OSTF1: variants seen among roughly 807,000 people sequenced by gnomAD.
OSTF1 encodes osteoclast stimulating factor 1.
In OSTF1, 27 loss-of-function variants were observed where a neutral mutation model predicts 37.2. The ratio of observed to expected loss-of-function variants is 0.73; its 90% CI spans 0.54 to 1.00. The LOEUF (loss-of-function observed/expected upper bound fraction) is 1.00, where lower values mean the gene tolerates loss of function less well. Among genes scored for constraint, OSTF1 ranks in the 50% least tolerant of loss-of-function variants. The pLI, the probability that OSTF1 is intolerant of heterozygous loss-of-function variation, is 0.00. For missense variants in OSTF1, 232 were observed against 253.8 expected (o/e 0.91, Z 0.58); for synonymous variants, 82 against 89.2 (o/e 0.92, Z 0.46).
chr9:75,133,460 GA>G lies in OSTF1; in HGVS notation c.358+60del, dbSNP rs140994409. 4.5e-3 allele frequency: 4,565 copies of G among 1,008,430 alleles called. 144 individuals are homozygous for G. In the African/African-American group the frequency reaches 0.066, roughly 15 times the overall value. The allele number at this position is 1,008,430 out of a possible 1,614,324, so 62.5% of individuals were successfully genotyped here. The stretch of plus-strand genomic sequence containing the variant: ...TGCTGAAAATGTGTTTCACCTACGG[GA>G]GCCAGATTTACAAAAAATGAGAAAG... On this transcript the variant is annotated intron_variant, in intron 6 of 9. Coordinates refer to ENST00000346234, the MANE Select transcript of OSTF1 (RefSeq NM_012383.5).
intron 7 of OSTF1, among the ~76,000 whole-genome samples, chr9:75,136,038 G>T (rs2118605454): frequency 6.6e-6 from 1 of 152,226 alleles, no homozygotes; most frequent in East Asian, 1.9e-4. Context: ...TTCAACATCC[G>T]CTGACTAGAA....
At chr9:75,094,322 C>T (rs1203724298) in intron 1 of OSTF1, among the ~76,000 whole-genome samples, 2 of 150,892 alleles carry the variant, frequency 1.3e-5, no homozygotes, top group South Asian at 2.1e-4. Context: ...GCCACTAAAT[C>T]GTTATGAATG....
intron 1 of OSTF1, among the ~76,000 whole-genome samples, chr9:75,103,024 C>T (rs952394569): frequency 1.2e-4 from 19 of 152,188 alleles, no homozygotes; most frequent in African/African-American, 3.4e-4. Flanking sequence ...TATAAGCTCA[C>T]GCTTATAATC....
At chr9:75,103,585 C>A (rs1017944143) in intron 1 of OSTF1, among the ~76,000 whole-genome samples, 4 of 151,928 alleles carry the variant, frequency 2.6e-5, no homozygotes, top group African/African-American at 9.7e-5. Flanking sequence ...AAGTATATAC[C>A]CCAGAAGCTA....
At chr9:75,143,101 G>A (rs1169281928) in intron 9 of OSTF1, among the ~76,000 whole-genome samples, 4 of 151,932 alleles carry the variant, frequency 2.6e-5, no homozygotes, top group African/African-American at 7.3e-5. Context: ...CACGATGCCC[G>A]GCTAATTTTT....
intron 1 of OSTF1, among the ~76,000 whole-genome samples, chr9:75,111,135 G>A (rs540537186): frequency 1.3e-5 from 2 of 152,220 alleles, no homozygotes; most frequent in Admixed American, 6.5e-5. Flanking sequence ...CCCCAGGCCC[G>A]CCTAAGTGCT....
At chr9:75,140,715 C>G (rs1825928229) in intron 8 of OSTF1, 119 bp from the exon 9 acceptor site, 12 of 633,860 alleles carry the variant, frequency 1.9e-5, no homozygotes, top group Middle Eastern at 2.9e-4. Context: ...ACGTTTACTT[C>G]TGAGCCAGAG....
At chr9:75,093,026 C>T (rs1382942157) in intron 1 of OSTF1, among the ~76,000 whole-genome samples, 1 of 146,318 alleles carries the variant, frequency 6.8e-6, no homozygotes. Context: ...ATGATACCCT[C>T]TTTCTTTCTT....
intron 8 of OSTF1, among the ~76,000 whole-genome samples, chr9:75,139,880 C>T (rs1232762192): frequency 6.6e-6 from 1 of 152,142 alleles, no homozygotes; most frequent in Admixed American, 6.6e-5. Context: ...CTTTCCAATA[C>T]CATTTTTAGT....
intron 1 of OSTF1, among the ~76,000 whole-genome samples, chr9:75,115,396 A>C (rs1433723788): frequency 6.6e-6 from 1 of 152,096 alleles, no homozygotes; most frequent in East Asian, 1.9e-4. Context: ...GGTTCAGGCT[A>C]TTCTCCTGCC....
intron 1 of OSTF1, among the ~76,000 whole-genome samples, chr9:75,114,874 G>T (rs1825454323): frequency 6.6e-6 from 1 of 152,100 alleles, no homozygotes; most frequent in African/African-American, 2.4e-5. Flanking sequence ...TAAAATTCAT[G>T]CTTCCATCTA....
At chr9:75,112,125 T>C (rs11144235) in intron 1 of OSTF1, among the ~76,000 whole-genome samples, 21 of 151,348 alleles carry the variant, frequency 1.4e-4, no homozygotes, top group Non-Finnish European at 2.8e-4. Flanking sequence ...CTACTGCTTT[T>C]TTTTTTTTTT....
chr9:75,115,638 T>C lies in OSTF1; in HGVS notation c.35-1866T>C, dbSNP rs201603742. On this transcript the variant is annotated intron_variant, in intron 1 of 9. Coordinates refer to ENST00000346234, the MANE Select transcript of OSTF1 (RefSeq NM_012383.5). ...TATTTTATTAAAAGAGGACCCCCCC[T>C]TTTTTTGTTTTTTTTTTGTTTTTTG... 6.8e-4 allele frequency among the ~76,000 whole-genome samples: 49 copies of C among 72,218 alleles called. 1 individual carries two copies. The East Asian group carries it at 0.013, about 19-fold the overall frequency. The allele number at this position is 72,218 out of a possible 152,430, so 47.4% of individuals were successfully genotyped here. A position where few individuals can be genotyped will look rare whatever the true frequency, so the allele number is the denominator to read the frequency against.
At chr9:75,129,706 ACAAAC>A (rs1825733587) in intron 3 of OSTF1, among the ~76,000 whole-genome samples, 2 of 152,340 alleles carry the variant, frequency 1.3e-5, no homozygotes, top group African/African-American at 4.8e-5. Flanking sequence ...ACACTACAGA[ACAAAC>A]CAACTGGATT....
chr9:75,123,670 ACTGT>A (rs781108467), intron 2 of OSTF1, among the ~76,000 whole-genome samples: 26 of 152,248 alleles, frequency 1.7e-4, no homozygotes, highest in Non-Finnish European at 2.9e-4. Flanking sequence ...TGCCACCAAC[ACTGT>A]GAAGAATTTG....
intron 1 of OSTF1, among the ~76,000 whole-genome samples, chr9:75,094,614 C>G (rs1825039996): frequency 6.6e-6 from 1 of 151,952 alleles, no homozygotes. Flanking sequence ...ATAACAGAAC[C>G]CATTGCCAAA....
At chr9:75,100,600 G>C (rs1167179995) in intron 1 of OSTF1, among the ~76,000 whole-genome samples, 2 of 151,884 alleles carry the variant, frequency 1.3e-5, no homozygotes, top group Non-Finnish European at 2.9e-5. Context: ...CCGTGGTGGC[G>C]CATGTCTGTA....
At chr9:75,138,860 A>G (rs976459754) in intron 8 of OSTF1, among the ~76,000 whole-genome samples, 1 of 152,030 alleles carries the variant, frequency 6.6e-6, no homozygotes, top group Non-Finnish European at 1.5e-5. Flanking sequence ...AACCCTCAGG[A>G]GTTTTTGATC....
chr9:75,100,768 CAG>C (rs994505391), intron 1 of OSTF1, among the ~76,000 whole-genome samples: 2 of 151,790 alleles, frequency 1.3e-5, no homozygotes, highest in African/African-American at 2.4e-5. Context: ...GCTGCAACCT[CAG>C]GGGTAGGTCT....
Sources: gnomAD v4.1 joint callset for allele counts (sites outside exome capture counted in the v4.1 genomes callset) on GRCh38, gnomAD v4.1.1 for gene constraint, MANE v1.5 for transcripts, NCBI Gene and HGNC (gene_info 2026-07-23, HGNC 2026-07-21) for gene names.